Variants in NOMO2 observed in about 807,000 individuals in gnomAD.
The protein encoded by NOMO2 is NODAL modulator 2.
In NOMO2, 14 loss-of-function variants were observed where a neutral mutation model predicts 67.1. That is an observed-to-expected ratio of 0.21 (90% confidence interval 0.14 to 0.33). NOMO2 has a LOEUF of 0.33. Among genes scored for constraint, NOMO2 ranks in the 10% least tolerant of loss-of-function variants. NOMO2 has a pLI of 1.00. For synonymous variants in NOMO2, 80 were observed against 305.9 expected (o/e 0.26, Z 7.71); for missense variants, 178 against 761.0 (o/e 0.23, Z 9.01).
chr16:18,543,235 G>A (rs1275370493), intron 7 of NOMO2, among the ~76,000 whole-genome samples: 2 of 147,064 alleles, frequency 1.4e-5, no homozygotes, highest in Non-Finnish European at 3.0e-5. Flanking sequence ...CTGGAGTGCA[G>A]TGGCGTGATC....
intron 5 of NOMO2, among the ~76,000 whole-genome samples, chr16:18,547,819 G>C (rs1901687020): frequency 1.3e-5 from 2 of 151,332 alleles, no homozygotes; most frequent in Non-Finnish European, 2.9e-5. Context: ...CAGAAAAAAG[G>C]CTTTAGAGAA....
At chr16:18,551,178 T>C (rs1596859741) in intron 4 of NOMO2, among the ~76,000 whole-genome samples, 1 of 151,782 alleles carries the variant, frequency 6.6e-6, no homozygotes, top group East Asian at 1.9e-4. Flanking sequence ...TGTCTCAAAA[T>C]AAAAAATAAA....
intron 4 of NOMO2, 143 bp from the exon 5 acceptor site, chr16:18,549,770 GAT>G (rs1901738560): frequency 1.1e-5 from 4 of 370,198 alleles, no homozygotes; most frequent in Non-Finnish European, 1.9e-5. Context: ...ATAAATCATG[GAT>G]ATGTTTCCTG....
intron 16 of NOMO2, among the ~76,000 whole-genome samples, chr16:18,527,262 G>A (rs1901167703): frequency 6.6e-6 from 1 of 150,574 alleles, no homozygotes; most frequent in Admixed American, 6.6e-5. Context: ...AGAAGCCACT[G>A]AAAGATTTTA....
chr16:18,554,535 C>T (rs1334306900), intron 3 of NOMO2, among the ~76,000 whole-genome samples: 2 of 150,746 alleles, frequency 1.3e-5, no homozygotes, highest in East Asian at 1.9e-4. Flanking sequence ...TCCACGGCCA[C>T]GTAATGAGTG....
chr16:18,552,159 TCCTCA>T (rs1261380754), intron 3 of NOMO2, among the ~76,000 whole-genome samples: 3 of 142,618 alleles, frequency 2.1e-5, no homozygotes, highest in African/African-American at 7.7e-5. Flanking sequence ...GAGCGGAGCA[TCCTCA>T]GGGGGACTGT....
intron 5 of NOMO2, among the ~76,000 whole-genome samples, chr16:18,547,867 C>G (rs1306287189): frequency 6.7e-6 from 1 of 149,840 alleles, no homozygotes; most frequent in African/African-American, 2.4e-5. Context: ...CACAAAGCAA[C>G]TGAGATAAGA....
chr16:18,562,022 C>A lies in NOMO2; in HGVS notation c.19G>T (p.Ala7Ser). 6.5e-7 allele frequency: 1 copy of A among 1,528,980 alleles called. No individual in the cohort carries two copies. Among genetic ancestry groups the A allele is most frequent in the Non-Finnish European group, 8.8e-7 (1 of 1,140,162 alleles). The allele number at this position is 1,528,980 out of a possible 1,614,324, so 94.7% of individuals were successfully genotyped here. Residue 7 changes from alanine to serine, a missense_variant, in exon 1 of 31, where the codon GCG (alanine) becomes TCG (serine). Transcript: ENST00000622306. MLVGQG[A>S]GLLGPAVVTA... ...ACCACCGCGGGCCCCAGCAGCCCCG[C>A]GCCCTGGCCCACCAGCATGGCCCGA...
intron 16 of NOMO2, among the ~76,000 whole-genome samples, chr16:18,526,210 C>T (rs1348271059): frequency 6.6e-6 from 1 of 152,018 alleles, no homozygotes; most frequent in Non-Finnish European, 1.5e-5. Flanking sequence ...AAAACAAAAC[C>T]ACCATGAGAC....
intron 2 of NOMO2, among the ~76,000 whole-genome samples, chr16:18,555,113 G>T: frequency 1.6e-5 from 2 of 123,468 alleles, no homozygotes; most frequent in Non-Finnish European, 1.7e-5. Flanking sequence ...ACTAGGTTCA[G>T]CCACTCACTG....
In NOMO2 at chr16:18,531,228, G is replaced by A. The variant is rs534545516; in HGVS notation, c.1538-60C>T. 3.7e-4 allele frequency: 242 copies of A among 659,770 alleles called. 1 individual carries two copies. Among genetic ancestry groups the A allele is most frequent in the African/African-American group, 3.2e-3 (178 of 55,338 alleles). 40.9% of individuals were successfully genotyped at this position (659,770 alleles called of 1,614,324 possible). Reference sequence around the variant, plus strand: ...CCTTATAAGGCTTCAGCACAGGTTCGAATCCTAACCCTATGTAATAGCTTC... The same window carrying A: ...CCTTATAAGGCTTCAGCACAGGTTCAAATCCTAACCCTATGTAATAGCTTC... On this transcript the variant is annotated intron_variant, in intron 13 of 30. Transcript: ENST00000622306.
At chr16:18,533,241 T>C (rs1323748312) in intron 11 of NOMO2, 62 bp from the exon 12 acceptor site, 4 of 1,569,748 alleles carry the variant, frequency 2.5e-6, no homozygotes, top group African/African-American at 1.4e-5. Flanking sequence ...AAGGCTCTTA[T>C]CGACCAAAAA....
intron 12 of NOMO2, among the ~76,000 whole-genome samples, chr16:18,531,832 T>C (rs988429387): frequency 1.1e-4 from 17 of 152,192 alleles, no homozygotes; most frequent in Admixed American, 4.6e-4. Flanking sequence ...CCGATGTGTA[T>C]GAACAAAAGT....
intron 11 of NOMO2, 92 bp from the exon 12 acceptor site, chr16:18,533,271 C>G: frequency 7.2e-7 from 1 of 1,383,862 alleles, no homozygotes; most frequent in Non-Finnish European, 1.0e-6. Flanking sequence ...CCTCTCCCAG[C>G]CCTTGTTCCT....
At chr16:18,527,103 C>T (rs1230391704) in intron 16 of NOMO2, among the ~76,000 whole-genome samples, 1 of 121,386 alleles carries the variant, frequency 8.2e-6, no homozygotes, top group Non-Finnish European at 1.8e-5. Context: ...GTAATCCCAG[C>T]TTCTCGAGAG....
At position 18,538,509 on chromosome 16, in the gene NOMO2, C is replaced by T. The variant is rs777067600; in HGVS notation, c.1220+17G>A. On this transcript the variant is annotated intron_variant, in intron 11 of 30. Coordinates refer to ENST00000622306, the MANE Select transcript of NOMO2 (RefSeq NM_173614.4). ...AGCATATTTACTGGTGCTTCCAAAT[C>T]CACACGATAAGCTTACCCTGTTGCA... 52 of 1,613,256 alleles carry T rather than the reference C, an allele frequency of 3.2e-5. 1 individual carries two copies. In the South Asian group the frequency reaches 5.5e-4, roughly 17 times the overall value.
At chr16:18,545,341 A>G (rs1901643154) in intron 6 of NOMO2, among the ~76,000 whole-genome samples, 1 of 151,162 alleles carries the variant, frequency 6.6e-6, no homozygotes, top group East Asian at 1.9e-4. Flanking sequence ...CAAGTGATCC[A>G]CCCACCTCAG....
chr16:18,550,367 C>CA (rs1350729214), intron 4 of NOMO2, among the ~76,000 whole-genome samples: 2 of 145,622 alleles, frequency 1.4e-5, no homozygotes, highest in Non-Finnish European at 3.0e-5. Context: ...GACTCTGTCT[C>CA]AAAAAAATAA....
intron 15 of NOMO2, among the ~76,000 whole-genome samples, chr16:18,528,433 T>C (rs553898802): frequency 6.6e-6 from 1 of 152,058 alleles, no homozygotes; most frequent in Admixed American, 6.5e-5. Flanking sequence ...GGGGAGTAAG[T>C]TGGCACATGA....
Sources: allele counts gnomAD v4.1 joint callset (sites outside exome capture counted in the v4.1 genomes callset), GRCh38; gene constraint gnomAD v4.1.1; transcripts MANE v1.5; gene names NCBI Gene and HGNC (gene_info 2026-07-23, HGNC 2026-07-21).